The following PJA2 variants were observed in gnomAD, a reference collection of about 807,000 sequenced individuals.
The protein encoded by PJA2 is E3 ubiquitin-protein ligase Praja-2.
PJA2 carries 25 observed loss-of-function variants against 69.3 expected under a neutral mutation model. That is an observed-to-expected ratio of 0.36 (90% CI 0.26 to 0.50). PJA2 has a LOEUF of 0.50. PJA2 is among the 20% of genes least tolerant of loss of function. The probability of loss-of-function intolerance (pLI) is 0.96; values close to 1 mark genes in which losing one functional copy is unlikely to be tolerated. For missense variants in PJA2, 809 were observed against 830.2 expected (o/e 0.97, Z 0.31); for synonymous variants, 308 against 277.8 (o/e 1.11, Z -1.08).
chr5:109,389,332 G>A (rs1482164407), intron 1 of PJA2, among the ~76,000 whole-genome samples: 1 of 152,052 alleles, frequency 6.6e-6, no homozygotes, highest in Non-Finnish European at 1.5e-5. Context: ...AATAGACACA[G>A]AACAACTCAG....
At chr5:109,356,946 T>C (rs1762422319) in intron 6 of PJA2, among the ~76,000 whole-genome samples, 1 of 152,170 alleles carries the variant, frequency 6.6e-6, no homozygotes, top group African/African-American at 2.4e-5. Flanking sequence ...ATTCCTCCTT[T>C]TCCTCTAGTC....
At chr5:109,374,490 G>A (rs750990044) in intron 4 of PJA2, among the ~76,000 whole-genome samples, 2 of 150,476 alleles carry the variant, frequency 1.3e-5, no homozygotes, top group South Asian at 2.2e-4. Flanking sequence ...TAATAAATAC[G>A]TATATTTTGT....
intron 4 of PJA2, among the ~76,000 whole-genome samples, chr5:109,375,037 A>G (rs1746830554): frequency 6.6e-6 from 1 of 152,206 alleles, no homozygotes; most frequent in South Asian, 2.1e-4. Context: ...CCTGTCAAAC[A>G]GCTCAGAGCA....
At chr5:109,351,116 T>TAAA (rs35779470) in intron 7 of PJA2, among the ~76,000 whole-genome samples, 16 of 138,116 alleles carry the variant, frequency 1.2e-4, no homozygotes, top group Non-Finnish European at 1.5e-4. Context: ...ATCCTTTGCT[T>TAAA]AAAAAAAAAA....
chr5:109,366,997 T>C (rs2127000775), intron 5 of PJA2, among the ~76,000 whole-genome samples: 1 of 151,958 alleles, frequency 6.6e-6, no homozygotes, highest in East Asian at 1.9e-4. Flanking sequence ...CCAGGCATGG[T>C]GGTGGGTACC....
intron 1 of PJA2, among the ~76,000 whole-genome samples, chr5:109,408,818 A>G (rs908094428): frequency 6.6e-6 from 1 of 152,266 alleles, no homozygotes; most frequent in African/African-American, 2.4e-5. Flanking sequence ...AACGTTTATT[A>G]CTGTTATCCT....
In PJA2 at chr5:109,408,631, G is replaced by A. The variant is rs116023459; in HGVS notation, c.-88+1211C>T. ...ACTAAACTGTCAACTTTACACTGGA[G>A]TGGGACTGGGGGATGAAAAGAAATA... On this transcript the variant is annotated intron_variant, in intron 1 of 9. Coordinates refer to ENST00000361189, the MANE Select transcript of PJA2 (RefSeq NM_014819.5). Among the ~76,000 whole-genome samples the A allele has an allele frequency of 7.9e-3, 1,201 of 152,240 alleles. 20 individuals are homozygous for A. The highest frequency in any genetic ancestry group is 0.027 in the African/African-American group (1,125 of 41,540).
intron 8 of PJA2, 58 bp downstream of exon 8, chr5:109,344,647 A>G (rs565862455): frequency 8.9e-7 from 1 of 1,127,454 alleles, no homozygotes; most frequent in African/African-American, 1.5e-5. Flanking sequence ...AGGTATATTG[A>G]TAATATACTT....
intron 7 of PJA2, among the ~76,000 whole-genome samples, chr5:109,354,508 C>G (rs1762371160): frequency 3.3e-5 from 1 of 29,856 alleles, no homozygotes; most frequent in African/African-American, 1.8e-4. Flanking sequence ...TCATAGATAT[C>G]TATATCGATA....
chr5:109,342,233 T>C (rs868429194), intron 9 of PJA2, among the ~76,000 whole-genome samples: 4,970 of 8,040 alleles, frequency 0.62, 1,334 homozygotes, highest in African/African-American at 0.8. Flanking sequence ...CCAGCCGCCC[T>C]GTCCAGGAGG....
chr5:109,342,000 TG>T (rs1184802604), intron 9 of PJA2, among the ~76,000 whole-genome samples: 8 of 70,736 alleles, frequency 1.1e-4, no homozygotes, highest in Admixed American at 9.2e-4. Context: ...GGGAGGGAGG[TG>T]GGGGGGTCGG....
chr5:109,340,621 TCCCC>T (rs368930510), intron 9 of PJA2, among the ~76,000 whole-genome samples: 4,767 of 7,430 alleles, frequency 0.64, 1,736 homozygotes, highest in Non-Finnish European at 0.71. Flanking sequence ...ATTGGGTCCC[TCCCC>T]CTCCCCCTCC....
At chr5:109,406,968 T>C (rs1419624888) in intron 1 of PJA2, among the ~76,000 whole-genome samples, 2 of 152,148 alleles carry the variant, frequency 1.3e-5, no homozygotes, top group Non-Finnish European at 2.9e-5. Flanking sequence ...TTACATGAAA[T>C]TCTAGACAAA....
intron 7 of PJA2, among the ~76,000 whole-genome samples, chr5:109,345,180 T>TAAA (rs60910860): frequency 9.5e-4 from 99 of 103,962 alleles, no homozygotes; most frequent in African/African-American, 3.3e-3. Flanking sequence ...CCGTCTCTAG[T>TAAA]AAAAAAAAAA....
At chr5:109,401,166 C>T (rs1747536911) in intron 1 of PJA2, among the ~76,000 whole-genome samples, 1 of 151,994 alleles carries the variant, frequency 6.6e-6, no homozygotes, top group South Asian at 2.1e-4. Context: ...AGCCTGTGAT[C>T]GCAGATACTT....
chr5:109,339,519 C>T (rs1158496725), intron 9 of PJA2, among the ~76,000 whole-genome samples: 2 of 152,148 alleles, frequency 1.3e-5, no homozygotes, highest in African/African-American at 2.4e-5. Context: ...GTAGTTAAGA[C>T]AACAAGGGTT....
chr5:109,359,580 C>T (rs1175294112), intron 6 of PJA2, among the ~76,000 whole-genome samples: 4 of 152,146 alleles, frequency 2.6e-5, no homozygotes, highest in African/African-American at 9.7e-5. Context: ...CAAATCTATT[C>T]ATGACAGACA....
At chr5:109,392,826 G>A (rs529188553) in intron 1 of PJA2, among the ~76,000 whole-genome samples, 3 of 152,162 alleles carry the variant, frequency 2.0e-5, no homozygotes, top group Admixed American at 6.5e-5. Context: ...AACGAAATCC[G>A]GCCTGTTTCC....
chr5:109,366,990 G>C (rs1762593886), intron 5 of PJA2, among the ~76,000 whole-genome samples: 1 of 151,892 alleles, frequency 6.6e-6, no homozygotes, highest in Admixed American at 6.6e-5. Context: ...AAATTAGCCA[G>C]GCATGGTGGT....
Sources: allele counts gnomAD v4.1 joint callset (sites outside exome capture counted in the v4.1 genomes callset), GRCh38; gene constraint gnomAD v4.1.1; transcripts MANE v1.5; gene names NCBI Gene and HGNC (gene_info 2026-07-23, HGNC 2026-07-21).